DLGAP3: variants seen among roughly 807,000 people sequenced by gnomAD.
The protein encoded by DLGAP3 is disks large-associated protein 3.
In DLGAP3, 17 loss-of-function variants were observed where a neutral mutation model predicts 81.2. The observed-to-expected ratio is 0.21, with a 90% CI of 0.14 to 0.31. The LOEUF (loss-of-function observed/expected upper bound fraction) is 0.31, where lower values mean the gene tolerates loss of function less well. Among genes scored for constraint, DLGAP3 ranks in the 10% least tolerant of loss-of-function variants. The pLI, the probability that DLGAP3 is intolerant of heterozygous loss-of-function variation, is 1.00. For missense variants in DLGAP3, 1,124 were observed against 1,388.0 expected (o/e 0.81, Z 3.02); for synonymous variants, 577 against 587.4 (o/e 0.98, Z 0.26).
rs1016410939 is a variant in DLGAP3, at chr1:34,873,378, G to A, written c.2001-4289C>T. On this transcript the variant is annotated intron_variant, in intron 8 of 11. Transcript: ENST00000373347. This position sits in a 1 kb window ranked among gnomAD's most constrained non-coding sequence, Gnocchi z 4.2. The stretch of plus-strand genomic sequence containing the variant: ...ATGAGCAGCTTTGGGTGGGGGCAGC[G>A]GAACAGAGCGGTTAGGCCCGTGTGC... Among the ~76,000 whole-genome samples the A allele has an allele frequency of 3.3e-5, 5 of 152,334 alleles. No homozygotes were observed. The highest frequency in any genetic ancestry group is 1.9e-4 in the East Asian group (1 of 5,186).
Position 34,900,150 on chromosome 1 carries a change from C to A in DLGAP3, c.1231G>T (p.Gly411Cys), listed in dbSNP as rs146586197. The stretch of plus-strand genomic sequence containing the variant: ...GCTTTGGGAGATGTCTTGGGGCTGC[C>A]GTCTGAGTCTCCGCTCTCCTCATCC... ...MGDEESGDSDGSPKTSPKAVA... is the reference protein window; with the variant it reads ...MGDEESGDSDCSPKTSPKAVA... The change falls in exon 4 of 12, where the codon GGC (glycine) becomes TGC (cysteine). Residue 411 changes from glycine (G) to cysteine (C), a missense_variant. Around this residue, in one of 9 missense-constraint regions of DLGAP3, gnomAD observed 357 missense variants for 408.8 expected, o/e 0.87. Coordinates refer to ENST00000373347, the MANE Select transcript of DLGAP3 (RefSeq NM_001080418.3). This position sits in a 1 kb window ranked among gnomAD's most constrained non-coding sequence, Gnocchi z 5.6. The A allele has an allele frequency of 6.2e-7, 1 of 1,614,062 alleles. No individual in the cohort carries two copies. Among genetic ancestry groups the A allele is most frequent in the Non-Finnish European group, 8.5e-7 (1 of 1,180,038 alleles).
chr1:34,902,787 T>C lies in DLGAP3; in HGVS notation c.1107+1490A>G, dbSNP rs546184603. ...CCTCTGCAGGACACTGTGAGGTGCATGTTAAAAAGGAAGCCCCCAGGGAGG... is the reference window on the plus strand; with the variant it reads ...CCTCTGCAGGACACTGTGAGGTGCACGTTAAAAAGGAAGCCCCCAGGGAGG... On this transcript the variant is annotated intron_variant, in intron 3 of 11. Coordinates refer to ENST00000373347, the MANE Select transcript of DLGAP3 (RefSeq NM_001080418.3). The surrounding 1 kb of genome is among the most constrained non-coding windows in gnomAD (Gnocchi z 4.4). Among the ~76,000 whole-genome samples the C allele has an allele frequency of 6.6e-6, 1 of 151,956 alleles. No individual in the cohort carries two copies. The highest frequency in any genetic ancestry group is 1.5e-5 in the Non-Finnish European group (1 of 67,962).
rs548538727 is a variant in DLGAP3 at position 34,888,324 on chromosome 1, G to T, written c.1387-2039C>A. ...TAATGGGCAAACAAGACCCAGAGAGGGCAGGTGAATTGTCTGAGGATGCCC... is the reference window on the plus strand; with the variant it reads ...TAATGGGCAAACAAGACCCAGAGAGTGCAGGTGAATTGTCTGAGGATGCCC... On this transcript the variant is annotated intron_variant, in intron 5 of 11. Transcript: ENST00000373347. Among the ~76,000 whole-genome samples the T allele has an allele frequency of 4.6e-5, 7 of 152,294 alleles. No individual in the cohort carries two copies. The East Asian group carries it at 1.3e-3, about 29-fold the overall frequency.
At chr1:34,896,159 A>T (rs1639377726) in intron 5 of DLGAP3, among the ~76,000 whole-genome samples, 1 of 152,246 alleles carries the variant, frequency 6.6e-6, no homozygotes, top group Non-Finnish European at 1.5e-5. Flanking sequence ...CATAAAAAAT[A>T]TAAAAATACA....
chr1:34,866,950 C>G, intron 11 of DLGAP3, 98 bp downstream of exon 11: 1 of 1,403,316 alleles, frequency 7.1e-7, no homozygotes, highest in Non-Finnish European at 1.0e-6. Context: ...GCCCATGGAT[C>G]CCTTCCCCTG....
In DLGAP3 at chr1:34,867,507, T is replaced by C; in HGVS notation, c.2577+29A>G. On this transcript the variant is annotated intron_variant, in intron 10 of 11. Coordinates refer to ENST00000373347, the MANE Select transcript of DLGAP3 (RefSeq NM_001080418.3). This position sits in a 1 kb window ranked among gnomAD's most constrained non-coding sequence, Gnocchi z 4.3. ...ACACACACTCTGGGTCACATGTATCTGGTAGGATCTACTACTATGGGCACT... is the reference window on the plus strand; with the variant it reads ...ACACACACTCTGGGTCACATGTATCCGGTAGGATCTACTACTATGGGCACT... 2 of 1,581,422 alleles carry C rather than the reference T, an allele frequency of 1.3e-6. No homozygotes were observed. The highest frequency in any genetic ancestry group is 1.7e-6 in the Non-Finnish European group (2 of 1,150,038).
rs1199893687 is a variant in DLGAP3, at chr1:34,868,714, T to C, written c.2376A>G (p.Pro792=). 10 of 1,610,522 alleles carry C rather than the reference T, an allele frequency of 6.2e-6. No homozygotes were observed. Among genetic ancestry groups the C allele is most frequent in the Non-Finnish European group, 8.5e-6 (10 of 1,179,926 alleles). The change falls in exon 9 of 12, where the codon CCA becomes CCG. Residue 792 remains proline (P), a synonymous_variant. Coordinates refer to ENST00000373347, the MANE Select transcript of DLGAP3 (RefSeq NM_001080418.3). The surrounding 1 kb of genome is among the most constrained non-coding windows in gnomAD (Gnocchi z 7.5). ...LPDSGRASPC[P]RDGEWFIKML... ...TCTTGATGAACCACTCGCCGTCGCG[T>C]GGGCAGGGGGATGCGCGGCCTGAGT...
chr1:34,874,587 G>T (rs1327590962), intron 8 of DLGAP3, among the ~76,000 whole-genome samples: 1 of 152,166 alleles, frequency 6.6e-6, no homozygotes, highest in African/African-American at 2.4e-5. Flanking sequence ...AGTGCTCCAA[G>T]GTGACAATGA....
intron 1 of DLGAP3, among the ~76,000 whole-genome samples, chr1:34,910,968 G>A (rs746456633): frequency 6.6e-6 from 1 of 150,886 alleles, no homozygotes; most frequent in East Asian, 2.0e-4. Flanking sequence ...AGATGCTTTC[G>A]TTTATGATAT....
At chr1:34,885,887 G>A (rs1639218615) in intron 6 of DLGAP3, 96 bp from the exon 7 acceptor site, 2 of 1,201,652 alleles carry the variant, frequency 1.7e-6, no homozygotes, top group Middle Eastern at 5.8e-4. Context: ...GAGGCCCTAC[G>A]GGACCCTGCA....
chr1:34,922,133 G>C (rs936275947), intron 1 of DLGAP3, among the ~76,000 whole-genome samples: 8 of 152,144 alleles, frequency 5.3e-5, no homozygotes, highest in African/African-American at 1.9e-4. Context: ...ATACAGCCCT[G>C]AGCACCATAG....
intron 8 of DLGAP3, among the ~76,000 whole-genome samples, chr1:34,870,921 G>A (rs1436340480): frequency 6.6e-6 from 1 of 152,188 alleles, no homozygotes. Flanking sequence ...CAATGTGTAT[G>A]TGTGTATGTA....
intron 1 of DLGAP3, among the ~76,000 whole-genome samples, chr1:34,921,841 G>A (rs916921954): frequency 2.0e-5 from 3 of 152,212 alleles, no homozygotes; most frequent in African/African-American, 7.2e-5. Context: ...GTATGTGCAT[G>A]CTGACAAATC....
rs140922391 is a variant in DLGAP3, at chr1:34,891,490, C to T, written c.1387-5205G>A. On this transcript the variant is annotated intron_variant, in intron 5 of 11. Coordinates refer to ENST00000373347, the MANE Select transcript of DLGAP3 (RefSeq NM_001080418.3). ...AGACAGACCAAGGGAGTTTGATAAG[C>T]TCTCCACATATCTTGGGTTAACTCG... Among the ~76,000 whole-genome samples the T allele has an allele frequency of 2.3e-3, 349 of 152,306 alleles. 2 individuals carry two copies. The highest frequency in any genetic ancestry group is 3.9e-3 in the Admixed American group (59 of 15,294).
At chr1:34,879,031 C>T (rs1443009914) in intron 8 of DLGAP3, among the ~76,000 whole-genome samples, 2 of 149,292 alleles carry the variant, frequency 1.3e-5, no homozygotes, top group African/African-American at 2.5e-5. Context: ...GAGATCGCGC[C>T]ACTGCACTCC....
In DLGAP3 at chr1:34,898,840, T is replaced by G. The variant is rs60860718; in HGVS notation, c.1386+829A>C. 4.6e-3 allele frequency among the ~76,000 whole-genome samples: 696 copies of G among 152,332 alleles called. 9 individuals carry two copies. Among genetic ancestry groups the G allele is most frequent in the African/African-American group, 0.016 (684 of 41,568 alleles). On this transcript the variant is annotated intron_variant, in intron 5 of 11. Transcript: ENST00000373347. The stretch of plus-strand genomic sequence containing the variant: ...TACACTTAGATATGGAACTCACATT[T>G]ATAAAATGCCATTTTTGGGCCAAGT...
chr1:34,891,766 A>G (rs1639314680), intron 5 of DLGAP3, among the ~76,000 whole-genome samples: 1 of 152,228 alleles, frequency 6.6e-6, no homozygotes, highest in Non-Finnish European at 1.5e-5. Flanking sequence ...ACACTAAGCT[A>G]TGCAGATATG....
chr1:34,926,283 C>A (rs1421814919), intron 1 of DLGAP3, among the ~76,000 whole-genome samples: 4 of 152,178 alleles, frequency 2.6e-5, no homozygotes, highest in South Asian at 2.1e-4. Context: ...GGAAGAAGGG[C>A]TGGTAGGAAG....
At chr1:34,925,868 C>T (rs550728945) in intron 1 of DLGAP3, among the ~76,000 whole-genome samples, 41 of 152,310 alleles carry the variant, frequency 2.7e-4, no homozygotes, top group African/African-American at 9.4e-4. Flanking sequence ...TAACAAGACA[C>T]TTTGAAGCTG....
Sources: gnomAD v4.1 joint callset for allele counts (sites outside exome capture counted in the v4.1 genomes callset) on GRCh38, gnomAD v4.1.1 for gene constraint, gnomAD v4.1.1 regional missense constraint, Gnocchi (gnomAD v3.1) non-coding constraint, MANE v1.5 for transcripts, NCBI Gene and HGNC (gene_info 2026-07-23, HGNC 2026-07-21) for gene names.